The following CEP350 variants were observed in gnomAD, a reference collection of about 807,000 sequenced individuals.
CEP350 encodes centrosome-associated protein 350.
In CEP350, 126 loss-of-function variants were observed where a neutral mutation model predicts 331.8. That is an observed-to-expected ratio of 0.38 (90% CI 0.33 to 0.44). CEP350 has a LOEUF of 0.44. Ranked by LOEUF, CEP350 falls within the 20% of genes least tolerant of loss-of-function variation. The pLI, the probability that CEP350 is intolerant of heterozygous loss-of-function variation, is 1.00. For synonymous variants in CEP350, 1,200 were observed against 1,259.5 expected, an observed-to-expected ratio of 0.95 and a Z score of 1.00; for missense variants, 3,406 against 3,634.6, an observed-to-expected ratio of 0.94 and a Z score of 1.62.
At chr1:179,995,744 A>G (rs2501615) in intron 5 of CEP350, among the ~76,000 whole-genome samples, 86,381 of 152,070 alleles carry the variant, frequency 0.57, 26,371 homozygotes, top group East Asian at 0.71. Flanking sequence ...GGCTTTGCCC[A>G]GCCTTCTGTG....
intron 15 of CEP350, among the ~76,000 whole-genome samples, chr1:180,033,229 G>T (rs146421543): frequency 6.6e-6 from 1 of 152,148 alleles, no homozygotes; most frequent in South Asian, 2.1e-4. Context: ...GGCTAGAAAC[G>T]TGCCTTGTAT....
chr1:179,968,332 CAAAA>C (rs397861084), intron 1 of CEP350, among the ~76,000 whole-genome samples: 5 of 88,388 alleles, frequency 5.7e-5, no homozygotes, highest in African/African-American at 8.4e-5. Flanking sequence ...ACTCTGTCTC[CAAAA>C]AAAAAAAAAA....
chr1:179,992,609 T>G (rs1477691445), intron 5 of CEP350, among the ~76,000 whole-genome samples: 1 of 152,194 alleles, frequency 6.6e-6, no homozygotes. Flanking sequence ...TTTTTTCTTT[T>G]TTTTTGGGTA....
At position 179,996,690 on chromosome 1, in the gene CEP350, G is replaced by C. The variant is rs112637744; in HGVS notation, c.533G>C (p.Ser178Thr). 2 of 1,613,674 alleles carry C rather than the reference G, an allele frequency of 1.2e-6. No homozygotes were observed. ...IGSREERNIR[S>T]CDFESSQSSV... ...AGTCGAGAAGAACGGAATATACGGA[G>C]CTGTGATTTTGAGAGCTCCCAATCA... The change falls in exon 6 of 38, where the codon AGC becomes ACC. Residue 178 changes from serine to threonine, a missense_variant. Physicochemically the swap from Ser to Thr is moderately conservative, Grantham distance 58. This residue lies in a region of CEP350 where 1,857 missense variants were observed against 1,909.2 expected (regional missense o/e 0.97). Transcript: ENST00000367607.
In CEP350 at chr1:180,029,524, A is replaced by G. The variant is rs553253116; in HGVS notation, c.3551-1796A>G. 5.9e-5 allele frequency among the ~76,000 whole-genome samples: 9 copies of G among 152,296 alleles called. 1 individual carries two copies. In the South Asian group the frequency reaches 1.9e-3, roughly 32 times the overall value. On this transcript the variant is annotated intron_variant, in intron 14 of 37. Coordinates refer to ENST00000367607, the MANE Select transcript of CEP350 (RefSeq NM_014810.5). ...AGTGTACAGTTGAGTGGCATTAAGCACGTTTATACTGTTGTACAATCATCC... is the reference window on the plus strand; with the variant it reads ...AGTGTACAGTTGAGTGGCATTAAGCGCGTTTATACTGTTGTACAATCATCC...
chr1:179,999,812 A>C (rs1653741433), intron 6 of CEP350, among the ~76,000 whole-genome samples: 1 of 152,200 alleles, frequency 6.6e-6, no homozygotes, highest in Admixed American at 6.5e-5. Context: ...TTAGCATACT[A>C]AACTCATTTT....
chr1:180,007,381 T>G (rs1390100450), intron 8 of CEP350, among the ~76,000 whole-genome samples: 2 of 152,202 alleles, frequency 1.3e-5, no homozygotes, highest in Non-Finnish European at 2.9e-5. Context: ...TTTTTTTTCA[T>G]GTTTGTTGGC....
At chr1:179,960,407 A>G (rs986791459) in intron 1 of CEP350, among the ~76,000 whole-genome samples, 1 of 152,158 alleles carries the variant, frequency 6.6e-6, no homozygotes, top group Non-Finnish European at 1.5e-5. Flanking sequence ...ATTGAATGAA[A>G]CTATGTTATG....
intron 28 of CEP350, 103 bp downstream of exon 28, chr1:180,075,324 CG>C: frequency 1.7e-6 from 2 of 1,183,352 alleles, no homozygotes; most frequent in Non-Finnish European, 2.3e-6. Flanking sequence ...CAGTGGCTCA[CG>C]CCTGTAATCC....
chr1:180,090,769 T>A lies in CEP350; in HGVS notation c.6481T>A (p.Ser2161Thr), dbSNP rs1170289979. 5 of 1,550,150 alleles carry A rather than the reference T, an allele frequency of 3.2e-6. No homozygotes were observed. The Admixed American group carries it at 9.8e-5, about 30-fold the overall frequency. The change falls in exon 33 of 38, where the codon TCC becomes ACC. Residue 2161 changes from serine to threonine, a missense_variant. Physicochemically the swap from Ser to Thr is moderately conservative, Grantham distance 58 (BLOSUM62 1). Coordinates refer to ENST00000367607, the MANE Select transcript of CEP350 (RefSeq NM_014810.5). The part of the protein sequence containing the change: ...SLTESERSRG[S>T]LESIAEHVDA... Reference sequence around the variant, plus strand: ...AACAGAGTCAGAACGTTCCAGAGGATCCCTGGAGTCTATTGCTGAACATGT... The same window carrying A: ...AACAGAGTCAGAACGTTCCAGAGGAACCCTGGAGTCTATTGCTGAACATGT...
At chr1:180,054,707 C>T (rs1657707962) in intron 25 of CEP350, among the ~76,000 whole-genome samples, 1 of 151,976 alleles carries the variant, frequency 6.6e-6, no homozygotes, top group Non-Finnish European at 1.5e-5. Context: ...GTGTGTCACT[C>T]CTAAATTAAT....
At chr1:179,972,793 T>G (rs1260145412) in intron 1 of CEP350, among the ~76,000 whole-genome samples, 1 of 152,130 alleles carries the variant, frequency 6.6e-6, no homozygotes. Context: ...TAATGAGAGT[T>G]ATTCAGAAAT....
chr1:179,978,797 T>TA (rs1274192504), intron 1 of CEP350, among the ~76,000 whole-genome samples: 1 of 152,188 alleles, frequency 6.6e-6, no homozygotes, highest in Non-Finnish European at 1.5e-5. Flanking sequence ...GGTTTTGACT[T>TA]AAAATGTGTT....
At chr1:180,074,164 C>G (rs773374127) in intron 27 of CEP350, among the ~76,000 whole-genome samples, 11 of 152,106 alleles carry the variant, frequency 7.2e-5, no homozygotes, top group Non-Finnish European at 1.2e-4. Context: ...TGGTTAGCTA[C>G]CACTATAGAT....
At chr1:180,103,947 T>A (rs1660980647) in intron 37 of CEP350, among the ~76,000 whole-genome samples, 1 of 136,832 alleles carries the variant, frequency 7.3e-6, no homozygotes, top group African/African-American at 2.9e-5. Context: ...TGTTTTAAAA[T>A]ATATACAAAA....
At chr1:180,099,569 GA>G (rs1456001583) in intron 37 of CEP350, among the ~76,000 whole-genome samples, 2 of 151,280 alleles carry the variant, frequency 1.3e-5, no homozygotes, top group African/African-American at 4.9e-5. Flanking sequence ...TATCAAAAAA[GA>G]AAAAAAGAAA....
At chr1:180,016,660 G>GTTTTTT (rs10660202) in intron 11 of CEP350, among the ~76,000 whole-genome samples, 1 of 128,284 alleles carries the variant, frequency 7.8e-6, no homozygotes, top group African/African-American at 3.0e-5. Flanking sequence ...TTTGGGTTAT[G>GTTTTTT]TTTTTTTTTT....
chr1:179,996,604 G>C lies in CEP350; in HGVS notation c.447G>C (p.Lys149Asn). 6.3e-7 allele frequency: 1 copy of C among 1,599,408 alleles called. No homozygotes were observed. Among genetic ancestry groups the C allele is most frequent in the Non-Finnish European group, 8.5e-7 (1 of 1,172,304 alleles). Reference sequence around the variant, plus strand: ...TCAGTTCCAGCCATCTGGAATCAAAGCACGTATACTGTGTAGATGTTAATG... The same window carrying C: ...TCAGTTCCAGCCATCTGGAATCAAACCACGTATACTGTGTAGATGTTAATG... ...SNFSSSHLES[K>N]HVYCVDVNEE... is the part of the protein sequence containing the mutation. The change falls in exon 6 of 38, where the codon AAG (lysine) becomes AAC (asparagine). Residue 149 changes from lysine (K) to asparagine (N), a missense_variant. Physicochemically the swap from Lys to Asn is moderately conservative, Grantham distance 94. This residue lies in a region of CEP350 where 1,857 missense variants were observed against 1,909.2 expected (regional missense o/e 0.97). Coordinates refer to ENST00000367607, the MANE Select transcript of CEP350 (RefSeq NM_014810.5).
intron 14 of CEP350, among the ~76,000 whole-genome samples, chr1:180,030,135 G>A (rs1210636418): frequency 1.3e-5 from 2 of 149,546 alleles, no homozygotes; most frequent in Admixed American, 1.3e-4. Flanking sequence ...GAGTATAAAG[G>A]GTATTTTTTA....
Sources: gnomAD v4.1 joint callset for allele counts (sites outside exome capture counted in the v4.1 genomes callset) on GRCh38, gnomAD v4.1.1 for gene constraint, gnomAD v4.1.1 regional missense constraint, MANE v1.5 for transcripts, NCBI Gene and HGNC (gene_info 2026-07-23, HGNC 2026-07-21) for gene names.